Variants in FOXK2 observed in about 807,000 individuals in gnomAD.
FOXK2 encodes forkhead box K2, also known as forkhead box protein K2.
FOXK2 carries 24 observed loss-of-function variants against 53.3 expected under a neutral mutation model. That is an observed-to-expected ratio of 0.45 (90% CI 0.33 to 0.63). The LOEUF (loss-of-function observed/expected upper bound fraction) is 0.63. FOXK2 is among the 30% of genes least tolerant of loss of function. The pLI, the probability that FOXK2 is intolerant of heterozygous loss-of-function variation, is 0.03. For missense variants in FOXK2, 952 were observed against 910.5 expected (o/e 1.05, Z -0.59); for synonymous variants, 505 against 407.1 (o/e 1.24, Z -2.89).
chr17:82,526,683 A>G (rs1211100242), intron 1 of FOXK2, among the ~76,000 whole-genome samples: 1 of 152,178 alleles, frequency 6.6e-6, no homozygotes, highest in Admixed American at 6.5e-5. Flanking sequence ...ACAAAAAATT[A>G]GCTGGGCATG....
intron 4 of FOXK2, 70 bp downstream of exon 4, chr17:82,571,940 C>G (rs2044923010): frequency 7.0e-7 from 1 of 1,425,578 alleles, no homozygotes; most frequent in African/African-American, 1.5e-5. Flanking sequence ...CGGCTGCTGT[C>G]TGGAACACAG....
Position 82,587,221 on chromosome 17 carries a change from G to T in FOXK2, c.1735G>T (p.Gly579Cys). 2 of 1,613,032 alleles carry T rather than the reference G, an allele frequency of 1.2e-6. No homozygotes were observed. The highest frequency in any genetic ancestry group is 1.7e-6 in the Non-Finnish European group (2 of 1,179,996). The stretch of plus-strand genomic sequence containing the variant: ...ACCAATAAAAACTGTAACACAAAAC[G>T]GCACTCACGTGGCATCAGTCCCCAC... ...QLPIKTVTQN[G>C]THVASVPTAV... Residue 579 changes from glycine (G) to cysteine (C), a missense_variant, in exon 8 of 9, where the codon GGC (glycine) becomes TGC (cysteine). Gly to Cys is a radical substitution (Grantham distance 159, BLOSUM62 -3). Coordinates refer to ENST00000335255, the MANE Select transcript of FOXK2 (RefSeq NM_004514.4).
intron 2 of FOXK2, among the ~76,000 whole-genome samples, chr17:82,564,970 TC>T (rs1235229213): frequency 2.0e-5 from 3 of 151,874 alleles, no homozygotes; most frequent in African/African-American, 7.3e-5. Context: ...CCTCAGGTGA[TC>T]CGCCTGCCTC....
At chr17:82,576,790 T>G in intron 4 of FOXK2, 1 of 602,134 alleles carries the variant, frequency 1.7e-6, no homozygotes, top group South Asian at 2.0e-5. Context: ...GGTGCTGTAA[T>G]GTGGTGGTGA....
At chr17:82,577,249 G>A (rs568731636) in intron 4 of FOXK2, 4 of 1,280,998 alleles carry the variant, frequency 3.1e-6, no homozygotes, top group Non-Finnish European at 3.4e-6. Context: ...CAAACTCCAG[G>A]TAGTACTTGT....
At chr17:82,569,042 C>G (rs2044884573) in intron 3 of FOXK2, among the ~76,000 whole-genome samples, 1 of 152,128 alleles carries the variant, frequency 6.6e-6, no homozygotes, top group African/African-American at 2.4e-5. Context: ...AAAAAGAACG[C>G]AACCTCAGTG....
At chr17:82,574,554 G>A (rs545258424) in intron 4 of FOXK2, among the ~76,000 whole-genome samples, 42 of 152,182 alleles carry the variant, frequency 2.8e-4, no homozygotes, top group Non-Finnish European at 4.9e-4. Flanking sequence ...TCCCGACCTC[G>A]GGTGATCTGC....
chr17:82,584,042 G>A lies in FOXK2; in HGVS notation c.1133G>A (p.Gly378Glu), dbSNP rs758615505. ...RSAPASPNHA[G>E]VLSAHSSGAQ... ...GCCCCAGCCTCTCCCAATCACGCGG[G>A]AGTGCTGTCTGCTCACTCTAGTGGC... The change falls in exon 6 of 9, where the codon GGA becomes GAA. Residue 378 changes from glycine to glutamate, a missense_variant. Gly to Glu is a moderately conservative substitution (Grantham distance 98). This residue lies in a region of FOXK2 where 160 missense variants were observed against 214.2 expected (regional missense o/e 0.75). Transcript: ENST00000335255. 4.1e-5 allele frequency: 66 copies of A among 1,609,466 alleles called. No individual in the cohort carries two copies. The highest frequency in any genetic ancestry group is 5.4e-5 in the Non-Finnish European group (64 of 1,178,262).
intron 1 of FOXK2, among the ~76,000 whole-genome samples, chr17:82,559,164 G>A (rs1236244440): frequency 2.6e-5 from 4 of 152,188 alleles, no homozygotes; most frequent in Non-Finnish European, 1.5e-5. Flanking sequence ...AAAGTGCTGG[G>A]ATGACAGGCG....
At chr17:82,582,089 G>C (rs1195389698) in intron 4 of FOXK2, among the ~76,000 whole-genome samples, 2 of 152,040 alleles carry the variant, frequency 1.3e-5, no homozygotes, top group Non-Finnish European at 2.9e-5. Flanking sequence ...ACTTTTAATG[G>C]CATGACAGAT....
At chr17:82,543,717 A>G (rs371832855) in intron 1 of FOXK2, among the ~76,000 whole-genome samples, 4 of 150,910 alleles carry the variant, frequency 2.7e-5, no homozygotes, top group South Asian at 2.1e-4. Context: ...CCTGGCCTCA[A>G]GTGATCCTGC....
chr17:82,586,641 C>T (rs1385426833), intron 7 of FOXK2, among the ~76,000 whole-genome samples: 1 of 152,022 alleles, frequency 6.6e-6, no homozygotes, highest in Non-Finnish European at 1.5e-5. Flanking sequence ...GTGGCTCACA[C>T]CTGTAATCCC....
rs528071090 is a variant in FOXK2 at position 82,582,185 on chromosome 17, A to G, written c.910-556A>G. ...TGTCTCCAAGCAGGGAGAGGTTGGC[A>G]GCTAAGTCATTGCCTCCACCTGGAA... On this transcript the variant is annotated intron_variant, in intron 4 of 8. Transcript: ENST00000335255. 2.0e-5 allele frequency among the ~76,000 whole-genome samples: 3 copies of G among 152,316 alleles called. No individual in the cohort carries two copies. The East Asian group carries it at 5.8e-4, about 29-fold the overall frequency.
intron 1 of FOXK2, among the ~76,000 whole-genome samples, chr17:82,544,979 A>G (rs1040334945): frequency 2.6e-5 from 4 of 151,942 alleles, no homozygotes; most frequent in African/African-American, 7.3e-5. Flanking sequence ...TAAAAAAAAA[A>G]AAGAATTGTC....
At chr17:82,573,105 A>G (rs939189775) in intron 4 of FOXK2, among the ~76,000 whole-genome samples, 2 of 152,062 alleles carry the variant, frequency 1.3e-5, no homozygotes, top group Non-Finnish European at 2.9e-5. Context: ...AGGTGGGAGG[A>G]TCACCTGAGC....
At chr17:82,582,098 A>C (rs2143090825) in intron 4 of FOXK2, among the ~76,000 whole-genome samples, 1 of 152,300 alleles carries the variant, frequency 6.6e-6, no homozygotes, top group East Asian at 1.9e-4. Context: ...GGCATGACAG[A>C]TTCTGTAAGC....
intron 1 of FOXK2, among the ~76,000 whole-genome samples, chr17:82,543,384 T>TG (rs1427871568): frequency 6.6e-6 from 1 of 152,180 alleles, no homozygotes; most frequent in African/African-American, 2.4e-5. Flanking sequence ...TGAGAACTTC[T>TG]GGCATCTAAA....
intron 1 of FOXK2, among the ~76,000 whole-genome samples, chr17:82,553,182 T>C (rs2044693246): frequency 6.6e-6 from 1 of 152,236 alleles, no homozygotes; most frequent in South Asian, 2.1e-4. Context: ...GTGATCTGCC[T>C]GCCAAGGCCT....
chr17:82,592,946 G>C (rs965897600), intron 8 of FOXK2, among the ~76,000 whole-genome samples: 2 of 141,006 alleles, frequency 1.4e-5, no homozygotes, highest in South Asian at 4.6e-4. Context: ...GTCTCCCTGC[G>C]CCGGGCACAG....
Sources: gnomAD v4.1 joint callset for allele counts (sites outside exome capture counted in the v4.1 genomes callset) on GRCh38, gnomAD v4.1.1 for gene constraint, gnomAD v4.1.1 regional missense constraint, MANE v1.5 for transcripts, NCBI Gene and HGNC (gene_info 2026-07-23, HGNC 2026-07-21) for gene names.